The following DCT variants were observed in gnomAD, a reference collection of about 807,000 sequenced individuals.
The protein encoded by DCT is dopachrome tautomerase.
DCT carries 47 observed loss-of-function variants against 53.0 expected under a neutral mutation model. That is an observed-to-expected ratio of 0.89 (90% CI 0.70 to 1.13). DCT has a LOEUF of 1.13. DCT is among the 50% of genes most tolerant of loss of function. The pLI is 0.00. For missense variants in DCT, 669 were observed against 637.4 expected (o/e 1.05, Z -0.53); for synonymous variants, 244 against 237.0 (o/e 1.03, Z -0.27).
intron 6 of DCT, among the ~76,000 whole-genome samples, chr13:94,459,016 A>G (rs1045929504): frequency 4.6e-5 from 7 of 151,824 alleles, no homozygotes; most frequent in African/African-American, 1.7e-4. Context: ...AGCTGGAACC[A>G]CAGGTGCATG....
intron 6 of DCT, among the ~76,000 whole-genome samples, chr13:94,454,924 A>G (rs1883312676): frequency 6.6e-6 from 1 of 152,202 alleles, no homozygotes; most frequent in Admixed American, 6.5e-5. Context: ...TTATATGTAT[A>G]TTACACATAC....
the DCT span, among the ~76,000 whole-genome samples, chr13:94,543,689 A>T: frequency 3.3e-5 from 5 of 152,092 alleles, no homozygotes; most frequent in African/African-American, 9.7e-5. Context: ...CCCCTTCCTA[A>T]TCATGTTGTT....
the DCT span, among the ~76,000 whole-genome samples, chr13:94,506,484 A>C: frequency 6.6e-6 from 1 of 152,266 alleles, no homozygotes; most frequent in Non-Finnish European, 1.5e-5. Context: ...TGATTGTAAT[A>C]GATTATAACC....
intron 2 of DCT, 151 bp from the exon 3 acceptor site, chr13:94,466,809 G>T: frequency 2.3e-6 from 1 of 428,986 alleles, no homozygotes; most frequent in Non-Finnish European, 4.2e-6. Flanking sequence ...ATCTCCAAAA[G>T]CAATAGTAAT....
chr13:94,533,827 C>T, the DCT span, among the ~76,000 whole-genome samples: 3 of 152,252 alleles, frequency 2.0e-5, no homozygotes, highest in East Asian at 5.8e-4. Context: ...CTTACCAACT[C>T]AATTAGAATT....
chr13:94,547,980 AAAAAAT>A, the DCT span, among the ~76,000 whole-genome samples: 5 of 99,194 alleles, frequency 5.0e-5, no homozygotes, highest in African/African-American at 3.9e-4. Flanking sequence ...AAAAAAAAAA[AAAAAAT>A]ATATATATAT....
the DCT span, among the ~76,000 whole-genome samples, chr13:94,518,108 GGGAAGGAAGGAAGGAAGGAAGGAA>G: frequency 4.3e-4 from 54 of 125,270 alleles, no homozygotes; most frequent in African/African-American, 1.6e-3. Flanking sequence ...GGGAAACGAA[GGGAAGGAAGGAAGGAAGGAAGGAA>G]GGAAGGAAGG....
At chr13:94,490,504 CAAAAAAAAAAAAA>C in the DCT span, among the ~76,000 whole-genome samples, 21 of 35,484 alleles carry the variant, frequency 5.9e-4, no homozygotes, top group East Asian at 0.014. Context: ...GACTCGGTCT[CAAAAAAAAAAAAA>C]AAAAAAAAAA....
the DCT span, among the ~76,000 whole-genome samples, chr13:94,531,228 T>C: frequency 6.6e-6 from 1 of 152,202 alleles, no homozygotes; most frequent in Non-Finnish European, 1.5e-5. Context: ...AGGTAATTTA[T>C]AGATTCAATG....
chr13:94,490,921 T>A, the DCT span, among the ~76,000 whole-genome samples: 1 of 152,204 alleles, frequency 6.6e-6, no homozygotes, highest in Non-Finnish European at 1.5e-5. Flanking sequence ...GAAAGTTACC[T>A]ATTTATTTAT....
At chr13:94,476,871 C>G (rs920194945) in intron 1 of DCT, among the ~76,000 whole-genome samples, 4 of 152,126 alleles carry the variant, frequency 2.6e-5, no homozygotes, top group Non-Finnish European at 5.9e-5. Context: ...CTAACCACAC[C>G]AGCAACCTGC....
chr13:94,472,513 CATACATACATATATATAT>C lies in DCT; in HGVS notation c.296-3486_296-3469del, dbSNP rs1397682911. Reference sequence around the variant, plus strand: ...TGGTATACAGTGAGTTAAATATATACATACATACATATATATATATATATATATATATATATATATATA... The same window carrying C: ...TGGTATACAGTGAGTTAAATATATACATATATATATATATATATATATATA... On this transcript the variant is annotated intron_variant, in intron 1 of 7. Coordinates refer to ENST00000377028, the MANE Select transcript of DCT (RefSeq NM_001922.5). Among the ~76,000 whole-genome samples the C allele has an allele frequency of 5.0e-3, 187 of 37,498 alleles. 3 individuals are homozygous for C. Among genetic ancestry groups the C allele is most frequent in the African/African-American group, 7.0e-3 (67 of 9,516 alleles). The allele number at this position is 37,498 out of a possible 152,430, so 24.6% of individuals were successfully genotyped here. A position where few individuals can be genotyped will look rare whatever the true frequency, so the allele number is the denominator to read the frequency against.
At position 94,438,425 on chromosome 13, in the gene DCT, C is replaced by T; in HGVS notation, c.*1473G>A. The T allele has an allele frequency of 3.8e-6, 1 of 260,626 alleles. No homozygotes were observed. The highest frequency in any genetic ancestry group is 7.8e-6 in the Non-Finnish European group (1 of 128,830). 16.1% of individuals were successfully genotyped at this position (260,626 alleles called of 1,614,324 possible). A position where few individuals can be genotyped will look rare whatever the true frequency, so the allele number is the denominator to read the frequency against. Reference sequence around the variant, plus strand: ...AACTGGGCTTTGTCCATTTCTCTGGCTTTAGCAGTCCTTTTGCATGGGGTA... The same window carrying T: ...AACTGGGCTTTGTCCATTTCTCTGGTTTTAGCAGTCCTTTTGCATGGGGTA... On this transcript the variant is annotated 3_prime_UTR_variant, in exon 8 of 8. Transcript: ENST00000377028.
Position 94,479,270 on chromosome 13 carries a change from G to T in DCT, c.-15C>A. 6.4e-7 allele frequency: 1 copy of T among 1,550,996 alleles called. No individual in the cohort carries two copies. Among genetic ancestry groups the T allele is most frequent in the Non-Finnish European group, 8.7e-7 (1 of 1,143,734 alleles). On this transcript the variant is annotated 5_prime_UTR_variant, in exon 1 of 8. Transcript: ENST00000377028. ...AGGGGGCTCATGGCTTTATAATTGGGAGAGCTCTCTCTCTCTCTTACTTTC... is the reference window on the plus strand; with the variant it reads ...AGGGGGCTCATGGCTTTATAATTGGTAGAGCTCTCTCTCTCTCTTACTTTC...
At chr13:94,509,438 C>A in the DCT span, among the ~76,000 whole-genome samples, 1 of 151,650 alleles carries the variant, frequency 6.6e-6, no homozygotes, top group African/African-American at 2.4e-5. Flanking sequence ...CACACACACA[C>A]AGAGGAGTGT....
the DCT span, among the ~76,000 whole-genome samples, chr13:94,535,799 T>C: frequency 6.6e-6 from 1 of 152,214 alleles, no homozygotes; most frequent in African/African-American, 2.4e-5. Context: ...GCCAGTACTG[T>C]GATTTCGCCT....
the DCT span, among the ~76,000 whole-genome samples, chr13:94,525,046 A>C: frequency 6.6e-6 from 1 of 152,130 alleles, no homozygotes; most frequent in Non-Finnish European, 1.5e-5. Context: ...ATAACTGAGA[A>C]GAAACCAGCC....
chr13:94,468,433 C>G (rs1416781144), intron 2 of DCT: 2 of 243,316 alleles, frequency 8.2e-6, no homozygotes, highest in South Asian at 8.6e-5. Flanking sequence ...CTTCTGAAAT[C>G]AAAAGGAATT....
the DCT span, among the ~76,000 whole-genome samples, chr13:94,538,884 C>T: frequency 1.9e-3 from 287 of 152,234 alleles, 2 homozygotes; most frequent in African/African-American, 6.7e-3. Flanking sequence ...TCTATCTGTG[C>T]GGTTTGGCTC....
Sources: gnomAD v4.1 joint callset for allele counts (sites outside exome capture counted in the v4.1 genomes callset) on GRCh38, gnomAD v4.1.1 for gene constraint, MANE v1.5 for transcripts, NCBI Gene and HGNC (gene_info 2026-07-23, HGNC 2026-07-21) for gene names.